Variants in LRP1B observed in about 807,000 individuals in gnomAD.
LRP1B encodes the protein LDL receptor related protein 1B.
Under a neutral mutation model 556.6 loss-of-function variants are expected in LRP1B, and 217 were observed. The ratio of observed to expected loss-of-function variants is 0.39; its 90% CI spans 0.35 to 0.44. The LOEUF (loss-of-function observed/expected upper bound fraction) is 0.44. LRP1B is among the 20% of genes least tolerant of loss of function. The pLI is 1.00. For missense variants in LRP1B, 5,053 were observed against 5,620.8 expected (o/e 0.90, Z 3.23); for synonymous variants, 2,047 against 1,865.8 (o/e 1.10, Z -2.50).
intron 8 of LRP1B, among the ~76,000 whole-genome samples, chr2:141,060,999 T>C (rs1202244335): frequency 6.6e-6 from 1 of 151,736 alleles, no homozygotes; most frequent in Non-Finnish European, 1.5e-5. Flanking sequence ...GAACTCCCTA[T>C]CTTCATAACA....
At chr2:141,784,615 C>A (rs781144031) in intron 2 of LRP1B, among the ~76,000 whole-genome samples, 4 of 151,812 alleles carry the variant, frequency 2.6e-5, no homozygotes, top group Non-Finnish European at 5.9e-5. Context: ...CAACAAAAGC[C>A]AGAAATATGT....
intron 41 of LRP1B, among the ~76,000 whole-genome samples, chr2:140,631,558 C>T (rs934886648): frequency 3.9e-5 from 6 of 152,218 alleles, no homozygotes; most frequent in South Asian, 2.1e-4. Flanking sequence ...ATACAGCTAA[C>T]GAAAGAATCA....
intron 37 of LRP1B, among the ~76,000 whole-genome samples, chr2:140,713,432 C>A (rs1272089828): frequency 6.6e-6 from 1 of 151,762 alleles, no homozygotes; most frequent in Non-Finnish European, 1.5e-5. Flanking sequence ...GGAAAGAACC[C>A]TTTTGTCTAA....
intron 43 of LRP1B, among the ~76,000 whole-genome samples, chr2:140,594,270 C>T (rs1385440254): frequency 1.3e-5 from 2 of 152,020 alleles, no homozygotes; most frequent in Non-Finnish European, 2.9e-5. Flanking sequence ...GCGCCTGGCC[C>T]ATGTTAAAAA....
At chr2:141,489,128 T>G (rs1683237814) in intron 2 of LRP1B, among the ~76,000 whole-genome samples, 1 of 145,292 alleles carries the variant, frequency 6.9e-6, no homozygotes, top group East Asian at 2.0e-4. Context: ...TTTTTTTTTT[T>G]TTTTTTTTTT....
chr2:140,361,988 C>G (rs369337395), intron 72 of LRP1B, among the ~76,000 whole-genome samples: 17 of 151,680 alleles, frequency 1.1e-4, no homozygotes, highest in East Asian at 7.8e-4. Flanking sequence ...GCAAAAACAA[C>G]ATACACATTA....
chr2:140,721,172 A>G (rs1328111838), intron 35 of LRP1B, among the ~76,000 whole-genome samples: 1 of 152,174 alleles, frequency 6.6e-6, no homozygotes. Context: ...CATAAAGGGA[A>G]TACAATATCT....
chr2:141,042,962 C>A (rs1698746149), intron 11 of LRP1B, among the ~76,000 whole-genome samples: 1 of 145,124 alleles, frequency 6.9e-6, no homozygotes, highest in African/African-American at 2.5e-5. Context: ...GGGGCTCAGG[C>A]AAGTGGATCA....
At chr2:141,360,236 T>A (rs905320127) in intron 3 of LRP1B, among the ~76,000 whole-genome samples, 1 of 152,204 alleles carries the variant, frequency 6.6e-6, no homozygotes, top group Admixed American at 6.5e-5. Flanking sequence ...CAGAATGATA[T>A]GGATTAATAT....
rs1553497030 is a variant in LRP1B, at chr2:141,329,655, A to AAAAAAAAACAAAACAAAAC, written c.344-75015_344-75014insGTTTTGTTTTGTTTTTTTT. Among the ~76,000 whole-genome samples the AAAAAAAAACAAAACAAAAC allele has an allele frequency of 1.7e-4, 24 of 138,102 alleles. 2 individuals are homozygous for AAAAAAAAACAAAACAAAAC. The highest frequency in any genetic ancestry group is 2.5e-4 in the Non-Finnish European group (16 of 65,086). 90.6% of individuals were successfully genotyped at this position (138,102 alleles called of 152,430 possible). A position where few individuals can be genotyped will look rare whatever the true frequency, so the allele number is the denominator to read the frequency against. On this transcript the variant is annotated intron_variant, in intron 3 of 90. Coordinates refer to ENST00000389484, the MANE Select transcript of LRP1B (RefSeq NM_018557.3). ...CGAGACTCTGTCTCAAAAAAAAAAA[A>AAAAAAAAACAAAACAAAAC]AAAAAAAAAACTATCTCTCTCTCTA... is the stretch of plus-strand genomic sequence containing the variant.
intron 3 of LRP1B, among the ~76,000 whole-genome samples, chr2:141,454,609 C>T (rs1394230618): frequency 2.6e-5 from 4 of 152,014 alleles, no homozygotes; most frequent in African/African-American, 9.7e-5. Flanking sequence ...TTAGATTTAC[C>T]TACATATTTA....
intron 20 of LRP1B, among the ~76,000 whole-genome samples, chr2:140,933,888 C>T (rs1049832492): frequency 6.6e-6 from 1 of 151,798 alleles, no homozygotes; most frequent in African/African-American, 2.4e-5. Flanking sequence ...GTTGTCTTTA[C>T]TTTTGATGTA....
intron 41 of LRP1B, among the ~76,000 whole-genome samples, chr2:140,651,023 A>T (rs1047476491): frequency 6.6e-6 from 1 of 151,994 alleles, no homozygotes; most frequent in Non-Finnish European, 1.5e-5. Context: ...ACAGCTAGTC[A>T]TCAGTTAGTC....
chr2:141,707,710 C>G (rs369454564), intron 2 of LRP1B, among the ~76,000 whole-genome samples: 71 of 152,274 alleles, frequency 4.7e-4, no homozygotes, highest in African/African-American at 1.6e-3. Context: ...AATAAACTGA[C>G]TGTGCAGTCT....
At position 140,483,789 on chromosome 2, in the gene LRP1B, C is replaced by T. The variant is rs372409636; in HGVS notation, c.9425+1554G>A. Among the ~76,000 whole-genome samples, 135 of 151,116 alleles carry T rather than the reference C, an allele frequency of 8.9e-4. 3 individuals are homozygous for T. The East Asian group carries it at 0.023, about 25-fold the overall frequency. On this transcript the variant is annotated intron_variant, in intron 59 of 90. Transcript: ENST00000389484. ...CAAAGTAGCTGGGATTACAGGTGTGCGCCACCACGCCTGGCTAATTTTTGT... is the reference window on the plus strand; with the variant it reads ...CAAAGTAGCTGGGATTACAGGTGTGTGCCACCACGCCTGGCTAATTTTTGT...
At chr2:141,626,659 C>T (rs1012149265) in intron 2 of LRP1B, among the ~76,000 whole-genome samples, 4 of 152,174 alleles carry the variant, frequency 2.6e-5, no homozygotes, top group African/African-American at 9.7e-5. Context: ...TCTAAACAGA[C>T]ACCTCACCAA....
chr2:141,155,630 TCA>T (rs1351163095), intron 7 of LRP1B, among the ~76,000 whole-genome samples: 1 of 151,984 alleles, frequency 6.6e-6, no homozygotes, highest in Non-Finnish European at 1.5e-5. Context: ...CATCAATAAC[TCA>T]CATTTTCTGA....
At chr2:140,967,109 A>C (rs1052753960) in intron 18 of LRP1B, among the ~76,000 whole-genome samples, 1 of 152,164 alleles carries the variant, frequency 6.6e-6, no homozygotes, top group Non-Finnish European at 1.5e-5. Flanking sequence ...TGGGGATGGC[A>C]TTAAATCTAT....
chr2:141,529,576 A>G (rs1490477170), intron 2 of LRP1B, among the ~76,000 whole-genome samples: 1 of 152,214 alleles, frequency 6.6e-6, no homozygotes, highest in East Asian at 1.9e-4. Flanking sequence ...ATATTCCTGA[A>G]TAATCAAACT....
Sources: allele counts gnomAD v4.1 joint callset (sites outside exome capture counted in the v4.1 genomes callset), GRCh38; gene constraint gnomAD v4.1.1; transcripts MANE v1.5; gene names NCBI Gene and HGNC (gene_info 2026-07-23, HGNC 2026-07-21).